The following CLTCL1 variants were observed in gnomAD, a reference collection of about 807,000 sequenced individuals.
CLTCL1 encodes the protein clathrin heavy chain 2.
Under a neutral mutation model 190.0 loss-of-function variants are expected in CLTCL1, and 159 were observed. The observed-to-expected ratio is 0.84, with a 90% CI of 0.74 to 0.95. The LOEUF (loss-of-function observed/expected upper bound fraction) is 0.95. CLTCL1 is among the 40% of genes least tolerant of loss of function. CLTCL1 has a pLI of 0.00. For synonymous variants in CLTCL1, 752 were observed against 769.6 expected (o/e 0.98, Z 0.38); for missense variants, 1,878 against 2,033.4 (o/e 0.92, Z 1.47).
At chr22:19,241,175 C>A (rs1322390198) in intron 4 of CLTCL1, among the ~76,000 whole-genome samples, 13 of 152,346 alleles carry the variant, frequency 8.5e-5, no homozygotes, top group Admixed American at 7.8e-4. Context: ...GAGGGGCATG[C>A]CCACCAGAAA....
intron 29 of CLTCL1, among the ~76,000 whole-genome samples, chr22:19,185,566 T>C (rs2084289263): frequency 6.6e-6 from 1 of 152,086 alleles, no homozygotes; most frequent in African/African-American, 2.4e-5. Flanking sequence ...GATCCTGTGA[T>C]CCGCCCGCCT....
intron 9 of CLTCL1, 74 bp downstream of exon 9, chr22:19,233,092 T>C: frequency 6.7e-7 from 1 of 1,495,250 alleles, no homozygotes; most frequent in Non-Finnish European, 9.1e-7. Flanking sequence ...GGGTATTTTA[T>C]AAACTTTAAA....
At position 19,210,461 on chromosome 22, in the gene CLTCL1, T is replaced by C; in HGVS notation, c.3114A>G (p.Thr1038=). The C allele has an allele frequency of 6.2e-7, 1 of 1,613,976 alleles. No individual in the cohort carries two copies. Among genetic ancestry groups the C allele is most frequent in the African/African-American group, 1.3e-5 (1 of 75,038 alleles). ...LILTAIKADR[T]RVMEYISRLD... ...GGCGGCTGATGTACTCCATGACCCG[T>C]GTGCGGTCTGCCTTGATGGCAGTCA... The change falls in exon 20 of 33, where the codon ACA becomes ACG. Residue 1038 remains threonine, a synonymous_variant. Coordinates refer to ENST00000427926, the MANE Select transcript of CLTCL1 (RefSeq NM_007098.4).
intron 22 of CLTCL1, among the ~76,000 whole-genome samples, chr22:19,204,297 G>A (rs965833413): frequency 8.5e-5 from 13 of 152,184 alleles, no homozygotes; most frequent in Non-Finnish European, 1.3e-4. Context: ...CTGGATGGCT[G>A]TGCTCCAGCC....
intron 5 of CLTCL1, among the ~76,000 whole-genome samples, chr22:19,236,516 CAG>C (rs1197604209): frequency 6.6e-6 from 1 of 152,140 alleles, no homozygotes; most frequent in Non-Finnish European, 1.5e-5. Flanking sequence ...GGAGAAAAAA[CAG>C]ATGCATTTGC....
rs2084792560 is a variant in CLTCL1, at chr22:19,198,908, C to T, written c.3873+826G>A. Among the ~76,000 whole-genome samples the T allele has an allele frequency of 6.6e-6, 1 of 152,160 alleles. No individual in the cohort carries two copies. The highest frequency in any genetic ancestry group is 6.5e-5 in the Admixed American group (1 of 15,280). ...GCTGACTAAATTGTTCTTTTGTCAG[C>T]CCTGTACTGCTTGATCACCCTCCCT... On this transcript the variant is annotated intron_variant, in intron 24 of 32. Transcript: ENST00000427926. This position sits in a 1 kb window ranked among gnomAD's most constrained non-coding sequence, Gnocchi z 4.1.
chr22:19,201,146 C>G (rs554947978), intron 23 of CLTCL1, among the ~76,000 whole-genome samples, 183 bp downstream of exon 23: 2 of 152,358 alleles, frequency 1.3e-5, no homozygotes, highest in Admixed American at 6.5e-5. Context: ...GGTTCCACAT[C>G]AGATTCTCTG....
chr22:19,197,302 C>T (rs1034329124), intron 24 of CLTCL1, among the ~76,000 whole-genome samples: 7 of 152,070 alleles, frequency 4.6e-5, no homozygotes, highest in Admixed American at 3.3e-4. Flanking sequence ...TTCTGTGCCC[C>T]CTCCACTCTC....
chr22:19,250,387 G>A (rs2086556464), intron 3 of CLTCL1, among the ~76,000 whole-genome samples: 1 of 147,506 alleles, frequency 6.8e-6, no homozygotes. Context: ...TGCCCAGGCT[G>A]GAATGCAAAG....
intron 1 of CLTCL1, among the ~76,000 whole-genome samples, chr22:19,281,630 G>A (rs1320806538): frequency 6.6e-5 from 10 of 152,116 alleles, no homozygotes; most frequent in South Asian, 2.1e-4. Flanking sequence ...TGGATTTTCC[G>A]GCTTTAGCAG....
At chr22:19,180,914 G>C in intron 30 of CLTCL1, 108 bp from the exon 31 acceptor site, 1 of 901,334 alleles carries the variant, frequency 1.1e-6, no homozygotes, top group Non-Finnish European at 1.8e-6. Flanking sequence ...GAGAATGACA[G>C]TGGAGGAGGT....
In CLTCL1 at chr22:19,183,481, G is replaced by C. The variant is rs1555926786; in HGVS notation, c.4736C>G (p.Pro1579Arg). The change falls in exon 30 of 33, where the codon CCA becomes CGA. Residue 1579 changes from proline (P) to arginine (R), a missense_variant. Pro to Arg is a moderately radical substitution (Grantham distance 103, BLOSUM62 -2). Coordinates refer to ENST00000427926, the MANE Select transcript of CLTCL1 (RefSeq NM_007098.4). ...CCAGGCCAGCTCAAGCACCATGTCT[G>C]GGCGAAGCAGGTCATAGCAGGTGAA... ...CLFTCYDLLR[P>R]DMVLELAWRH... 1 of 1,613,762 alleles carries C rather than the reference G, an allele frequency of 6.2e-7. No homozygotes were observed. Among genetic ancestry groups the C allele is most frequent in the East Asian group, 2.2e-5 (1 of 44,878 alleles).
Position 19,191,365 on chromosome 22 carries a change from T to A in CLTCL1, c.4262A>T (p.Asp1421Val). ...YLDYKPLLINDLLLVLSPRLD... is the reference protein window; with the variant it reads ...YLDYKPLLINVLLLVLSPRLD... ...CCGGGGTGAAAGCACCAGCAGCAGG[T>A]CATTGATGAGCAGTGGTTTGTAATC... The change falls in exon 27 of 33, where the codon GAC becomes GTC. Residue 1421 changes from aspartate (D) to valine (V), a missense_variant. By Grantham distance (152) the Asp-to-Val change is radical. Transcript: ENST00000427926. 6.2e-7 allele frequency: 1 copy of A among 1,613,884 alleles called. No homozygotes were observed. The highest frequency in any genetic ancestry group is 8.5e-7 in the Non-Finnish European group (1 of 1,179,860).
intron 1 of CLTCL1, among the ~76,000 whole-genome samples, chr22:19,282,059 G>C (rs187012490): frequency 2.6e-5 from 4 of 151,910 alleles, no homozygotes; most frequent in Non-Finnish European, 5.9e-5. Flanking sequence ...GGCCGGGCAC[G>C]GTGGCTCACG....
chr22:19,270,104 G>C (rs528635579), intron 2 of CLTCL1, among the ~76,000 whole-genome samples: 1 of 152,106 alleles, frequency 6.6e-6, no homozygotes, highest in African/African-American at 2.4e-5. Flanking sequence ...AACAAAATGT[G>C]GCATATCCAT....
At chr22:19,211,597 C>T (rs573200450) in intron 19 of CLTCL1, among the ~76,000 whole-genome samples, 2 of 151,920 alleles carry the variant, frequency 1.3e-5, no homozygotes. Flanking sequence ...TAAAGCCCGT[C>T]TCTACTAAAA....
intron 20 of CLTCL1, 40 bp downstream of exon 20, chr22:19,210,286 G>C (rs1555945686): frequency 6.3e-7 from 1 of 1,593,032 alleles, no homozygotes; most frequent in Non-Finnish European, 8.6e-7. Context: ...TGATGTGGCA[G>C]AAGGTGCTAG....
At chr22:19,257,197 T>C (rs2086789415) in intron 2 of CLTCL1, among the ~76,000 whole-genome samples, 1 of 152,154 alleles carries the variant, frequency 6.6e-6, no homozygotes, top group African/African-American at 2.4e-5. Context: ...TTAAACCTCA[T>C]TACAAAGTTA....
At chr22:19,192,872 G>A (rs2084559862) in intron 26 of CLTCL1, among the ~76,000 whole-genome samples, 1 of 152,232 alleles carries the variant, frequency 6.6e-6, no homozygotes, top group Non-Finnish European at 1.5e-5. Context: ...AGGCCACTGT[G>A]GGTCCACTCC....
Sources: allele counts gnomAD v4.1 joint callset (sites outside exome capture counted in the v4.1 genomes callset), GRCh38; gene constraint gnomAD v4.1.1; non-coding constraint Gnocchi (gnomAD v3.1); transcripts MANE v1.5; gene names NCBI Gene and HGNC (gene_info 2026-07-23, HGNC 2026-07-21).